IGSF11: variants seen among roughly 807,000 people sequenced by gnomAD.
IGSF11 encodes immunoglobulin superfamily member 11, also known as CXADR like 1.
A neutral mutation model predicts 41.0 loss-of-function variants in IGSF11; 22 were observed. The observed-to-expected ratio is 0.54, with a 90% confidence interval of 0.38 to 0.77. IGSF11 has a LOEUF of 0.77. IGSF11 is among the 30% of genes least tolerant of loss of function. The pLI is 0.00. For missense variants in IGSF11, 444 were observed against 530.8 expected (o/e 0.84, Z 1.61); for synonymous variants, 219 against 201.3 (o/e 1.09, Z -0.74).
At chr3:119,058,000 G>A (rs934886792) in intron 1 of IGSF11, among the ~76,000 whole-genome samples, 2 of 152,180 alleles carry the variant, frequency 1.3e-5, no homozygotes, top group Middle Eastern at 3.2e-3. Context: ...TTACATGTTA[G>A]ACCTAAAACC....
chr3:119,059,295 T>C (rs1050190690), intron 1 of IGSF11, among the ~76,000 whole-genome samples: 2 of 150,590 alleles, frequency 1.3e-5, no homozygotes, highest in African/African-American at 4.8e-5. Context: ...CATTATTCTA[T>C]GTGAAGTAAC....
chr3:119,045,095 AAAATAGAG>A (rs1169947579), intron 1 of IGSF11, among the ~76,000 whole-genome samples: 1 of 152,262 alleles, frequency 6.6e-6, no homozygotes, highest in African/African-American at 2.4e-5. Flanking sequence ...CTCCACTTAA[AAAATAGAG>A]AATGGCAGAA....
At chr3:119,139,097 T>G (rs917374548) in intron 1 of IGSF11, among the ~76,000 whole-genome samples, 1 of 152,190 alleles carries the variant, frequency 6.6e-6, no homozygotes. Flanking sequence ...TATTACACAT[T>G]GCATACTTGT....
chr3:119,042,911 T>C (rs1941175765), intron 1 of IGSF11, among the ~76,000 whole-genome samples: 1 of 152,158 alleles, frequency 6.6e-6, no homozygotes, highest in South Asian at 2.1e-4. Flanking sequence ...GGGGTCCTTG[T>C]TCTTAGAGCT....
intron 1 of IGSF11, among the ~76,000 whole-genome samples, chr3:118,993,812 A>G (rs1010341283): frequency 6.6e-6 from 1 of 152,216 alleles, no homozygotes; most frequent in Non-Finnish European, 1.5e-5. Context: ...AGGCAAGTCT[A>G]TATAGATAGA....
At chr3:119,020,385 T>C (rs1939169644) in intron 1 of IGSF11, among the ~76,000 whole-genome samples, 1 of 152,162 alleles carries the variant, frequency 6.6e-6, no homozygotes, top group African/African-American at 2.4e-5. Flanking sequence ...CATGCACAGC[T>C]GCACAGCATA....
At chr3:118,977,153 T>C (rs1934204730) in intron 1 of IGSF11, among the ~76,000 whole-genome samples, 1 of 152,232 alleles carries the variant, frequency 6.6e-6, no homozygotes, top group South Asian at 2.1e-4. Context: ...CCCCAGATTT[T>C]CTTTTAATGT....
At chr3:119,064,259 T>C (rs1411575961) in intron 1 of IGSF11, among the ~76,000 whole-genome samples, 1 of 152,232 alleles carries the variant, frequency 6.6e-6, no homozygotes, top group South Asian at 2.1e-4. Flanking sequence ...GAGGTAGGAA[T>C]AGCCAAAATA....
chr3:119,123,023 G>A (rs935803946), intron 1 of IGSF11, among the ~76,000 whole-genome samples: 4 of 152,166 alleles, frequency 2.6e-5, no homozygotes, highest in Admixed American at 1.3e-4. Context: ...CCACAATGGG[G>A]TAGAGTACCA....
chr3:119,133,254 C>T (rs1402617673), intron 1 of IGSF11, among the ~76,000 whole-genome samples: 1 of 152,070 alleles, frequency 6.6e-6, no homozygotes, highest in Admixed American at 6.5e-5. Flanking sequence ...CAAAAAAACC[C>T]TTCAAAAAAT....
At chr3:118,911,465 C>A (rs1940285569) in intron 4 of IGSF11, among the ~76,000 whole-genome samples, 1 of 152,088 alleles carries the variant, frequency 6.6e-6, no homozygotes, top group South Asian at 2.1e-4. Context: ...CCTATAGTCC[C>A]AGCACTTTGG....
chr3:119,011,080 C>T (rs976932140), intron 1 of IGSF11, among the ~76,000 whole-genome samples: 1 of 152,130 alleles, frequency 6.6e-6, no homozygotes, highest in Admixed American at 6.5e-5. Flanking sequence ...CAAATAACAA[C>T]GTTGGACAAC....
At chr3:118,933,470 T>TTATATATATATATATATATA (rs1553754813) in intron 1 of IGSF11, among the ~76,000 whole-genome samples, 9 of 146,170 alleles carry the variant, frequency 6.2e-5, no homozygotes, top group East Asian at 6.0e-4. Context: ...CATGTATTTT[T>TTATATATATATATATATATA]TATATATATA....
intron 1 of IGSF11, among the ~76,000 whole-genome samples, chr3:119,001,006 G>T (rs112188046): frequency 6.6e-6 from 1 of 152,074 alleles, no homozygotes; most frequent in Non-Finnish European, 1.5e-5. Flanking sequence ...TATTCTGACT[G>T]TTTCTCCAGC....
intron 1 of IGSF11, among the ~76,000 whole-genome samples, chr3:119,094,659 G>A (rs867040851): frequency 6.8e-6 from 1 of 147,722 alleles, no homozygotes; most frequent in African/African-American, 2.5e-5. Context: ...GAAAATCCCA[G>A]AGAGCAACTC....
At chr3:118,922,825 T>C (rs1941945927) in intron 4 of IGSF11, among the ~76,000 whole-genome samples, 2 of 152,144 alleles carry the variant, frequency 1.3e-5, no homozygotes, top group South Asian at 2.1e-4. Flanking sequence ...GATGATGTCT[T>C]CTTGCTGTGC....
At chr3:119,003,302 G>A (rs1361914804) in intron 1 of IGSF11, among the ~76,000 whole-genome samples, 3 of 144,022 alleles carry the variant, frequency 2.1e-5, no homozygotes, top group Non-Finnish European at 4.5e-5. Flanking sequence ...AAGAATGCTT[G>A]TGATTTTTGT....
intron 1 of IGSF11, among the ~76,000 whole-genome samples, chr3:118,985,339 C>T (rs1248798908): frequency 3.9e-5 from 6 of 152,262 alleles, no homozygotes; most frequent in East Asian, 1.9e-4. Flanking sequence ...ATATTTTTAA[C>T]GACAGCTTCA....
intron 1 of IGSF11, among the ~76,000 whole-genome samples, chr3:118,984,929 A>G (rs1278796004): frequency 1.3e-5 from 2 of 152,202 alleles, no homozygotes; most frequent in Non-Finnish European, 2.9e-5. Flanking sequence ...TCCAGGAAAG[A>G]AAAGGCAGGA....
Sources: allele counts gnomAD v4.1 joint callset (sites outside exome capture counted in the v4.1 genomes callset), GRCh38; gene constraint gnomAD v4.1.1; transcripts MANE v1.5; gene names NCBI Gene and HGNC (gene_info 2026-07-23, HGNC 2026-07-21).